Variants in ANO2 observed in about 807,000 individuals in gnomAD.
The protein encoded by ANO2 is anoctamin-2.
A neutral mutation model predicts 124.2 loss-of-function variants in ANO2; 101 were observed. The ratio of observed to expected loss-of-function variants is 0.81; its 90% confidence interval spans 0.69 to 0.96. The LOEUF is 0.96. ANO2 is among the 40% of genes least tolerant of loss of function. The pLI is 0.00. For synonymous variants in ANO2, 486 were observed against 482.5 expected, an observed-to-expected ratio of 1.01 and a Z score of -0.09; for missense variants, 1,293 against 1,274.5, an observed-to-expected ratio of 1.01 and a Z score of -0.22.
At chr12:5,804,685 G>C (rs750277884) in intron 9 of ANO2, among the ~76,000 whole-genome samples, 5 of 152,196 alleles carry the variant, frequency 3.3e-5, no homozygotes, top group African/African-American at 1.2e-4. Context: ...CATTGCTGTG[G>C]TTAACAGTAA....
At chr12:5,773,736 C>T (rs1349724535) in intron 10 of ANO2, among the ~76,000 whole-genome samples, 3 of 152,188 alleles carry the variant, frequency 2.0e-5, no homozygotes, top group African/African-American at 7.2e-5. Context: ...CCGCCCCCTA[C>T]AGCAGGAATG....
At chr12:5,639,277 T>A (rs941676228) in intron 15 of ANO2, among the ~76,000 whole-genome samples, 1 of 152,124 alleles carries the variant, frequency 6.6e-6, no homozygotes, top group African/African-American at 2.4e-5. Flanking sequence ...ACTAGCAACT[T>A]CATCATCGAC....
chr12:5,661,053 T>C (rs538953877), intron 14 of ANO2, among the ~76,000 whole-genome samples: 64 of 152,328 alleles, frequency 4.2e-4, no homozygotes, highest in African/African-American at 1.5e-3. Context: ...GCTTTTCTCA[T>C]ATGCATTGCA....
intron 3 of ANO2, among the ~76,000 whole-genome samples, chr12:5,885,766 C>A (rs1938852747): frequency 6.6e-6 from 1 of 152,148 alleles, no homozygotes; most frequent in South Asian, 2.1e-4. Flanking sequence ...CTGTCCATGG[C>A]TAATTAAGAT....
At chr12:5,756,403 C>G (rs75708679) in intron 10 of ANO2, among the ~76,000 whole-genome samples, 21 of 152,146 alleles carry the variant, frequency 1.4e-4, no homozygotes, top group South Asian at 4.1e-4. Context: ...AAGGTAGTAT[C>G]GAGAATTCCT....
intron 14 of ANO2, among the ~76,000 whole-genome samples, chr12:5,731,788 G>A (rs565473445): frequency 6.6e-6 from 1 of 152,158 alleles, no homozygotes; most frequent in East Asian, 1.9e-4. Flanking sequence ...CAGAGGACAT[G>A]GTCACCATCA....
intron 4 of ANO2, among the ~76,000 whole-genome samples, chr12:5,838,923 C>T (rs939445083): frequency 4.6e-5 from 7 of 152,236 alleles, no homozygotes; most frequent in African/African-American, 1.7e-4. Flanking sequence ...AAGTCATACC[C>T]TTCTCCCAGC....
chr12:5,812,855 CAGAA>C (rs1290619211), intron 7 of ANO2, among the ~76,000 whole-genome samples: 1 of 127,168 alleles, frequency 7.9e-6, no homozygotes, highest in African/African-American at 3.1e-5. Flanking sequence ...AGGAGAAGGA[CAGAA>C]GGAAGGAAGG....
At chr12:5,855,967 T>A (rs1181288079) in intron 3 of ANO2, among the ~76,000 whole-genome samples, 1 of 152,230 alleles carries the variant, frequency 6.6e-6, no homozygotes, top group Admixed American at 6.5e-5. Flanking sequence ...GACATCGTTC[T>A]GACAAAATAC....
chr12:5,763,377 T>G (rs1225863401), intron 10 of ANO2, among the ~76,000 whole-genome samples: 2 of 152,090 alleles, frequency 1.3e-5, no homozygotes, highest in East Asian at 3.8e-4. Context: ...TTTTGGTTAT[T>G]ATATTAAAAT....
At chr12:5,923,125 CACCCACAT>C (rs1565783755) in intron 1 of ANO2, among the ~76,000 whole-genome samples, 2 of 54,070 alleles carry the variant, frequency 3.7e-5, no homozygotes, top group Admixed American at 2.5e-4. Flanking sequence ...CACGCACACA[CACCCACAT>C]ACACACACAT....
intron 10 of ANO2, among the ~76,000 whole-genome samples, chr12:5,780,232 T>A (rs998109663): frequency 6.6e-6 from 1 of 152,242 alleles, no homozygotes; most frequent in Non-Finnish European, 1.5e-5. Flanking sequence ...TATATTCATA[T>A]GCATCAGAAG....
At chr12:5,833,858 A>G (rs924442278) in intron 4 of ANO2, among the ~76,000 whole-genome samples, 1 of 152,056 alleles carries the variant, frequency 6.6e-6, no homozygotes, top group Non-Finnish European at 1.5e-5. Flanking sequence ...CTTCCGTGAA[A>G]CCAGTCCCTG....
At chr12:5,859,224 C>T (rs1470351401) in intron 3 of ANO2, among the ~76,000 whole-genome samples, 1 of 152,204 alleles carries the variant, frequency 6.6e-6, no homozygotes, top group Non-Finnish European at 1.5e-5. Flanking sequence ...CTTGTCATCA[C>T]AGAAGGGAGA....
chr12:5,820,177 G>A (rs1953741055), intron 7 of ANO2, among the ~76,000 whole-genome samples: 1 of 152,140 alleles, frequency 6.6e-6, no homozygotes, highest in Non-Finnish European at 1.5e-5. Context: ...CTTGAGGAAG[G>A]ACCCCACTAT....
intron 10 of ANO2, among the ~76,000 whole-genome samples, chr12:5,796,043 C>G (rs1952834253): frequency 6.6e-6 from 1 of 152,116 alleles, no homozygotes; most frequent in Non-Finnish European, 1.5e-5. Flanking sequence ...CTGGAAGTGC[C>G]CAGGAGGTCT....
At chr12:5,642,544 C>T (rs1265211932) in intron 15 of ANO2, among the ~76,000 whole-genome samples, 2 of 152,250 alleles carry the variant, frequency 1.3e-5, no homozygotes, top group South Asian at 4.1e-4. Context: ...GGCCACCGCA[C>T]TTCTTGCATT....
intron 1 of ANO2, among the ~76,000 whole-genome samples, chr12:5,932,398 A>G (rs12312356): frequency 0.14 from 11,651 of 84,204 alleles, 136 homozygotes; most frequent in East Asian, 0.39. Context: ...AGGAAAGAAG[A>G]TAGACTAGTA....
chr12:5,856,234 T>C lies in ANO2; in HGVS notation c.535-2093A>G, dbSNP rs1955092950. On this transcript the variant is annotated intron_variant, in intron 3 of 24. Coordinates refer to ENST00000682330, the MANE Select transcript of ANO2 (RefSeq NM_001364791.2). ...CCCTCTCGCTAAGAGGAGATCACAA[T>C]GATTATGAATGTTAACACATTACCC... 2.0e-5 allele frequency: 3 copies of C among 152,202 alleles called. No individual in the cohort carries two copies. In the South Asian group the frequency reaches 6.2e-4, roughly 32 times the overall value. The allele number at this position is 152,202 out of a possible 1,614,324, so 9.4% of individuals were successfully genotyped here. A position where few individuals can be genotyped will look rare whatever the true frequency, so the allele number is the denominator to read the frequency against.
Sources: allele counts gnomAD v4.1 joint callset (sites outside exome capture counted in the v4.1 genomes callset), GRCh38; gene constraint gnomAD v4.1.1; transcripts MANE v1.5; gene names NCBI Gene and HGNC (gene_info 2026-07-23, HGNC 2026-07-21).